GPD1L: variants seen among roughly 807,000 people sequenced by gnomAD.
The protein encoded by GPD1L is glycerol-3-phosphate dehydrogenase 1-like protein.
Under a neutral mutation model 32.9 loss-of-function variants are expected in GPD1L, and 17 were observed. That is an observed-to-expected ratio of 0.52 (90% CI 0.35 to 0.78). The LOEUF (loss-of-function observed/expected upper bound fraction) is 0.78, where lower values mean the gene tolerates loss of function less well. Among genes scored for constraint, GPD1L ranks in the 30% least tolerant of loss-of-function variants. GPD1L has a pLI of 0.01. For missense variants in GPD1L, 361 were observed against 447.8 expected (o/e 0.81, Z 1.75); for synonymous variants, 187 against 165.9 (o/e 1.13, Z -0.98).
chr3:32,133,895 A>G (rs1046848410), intron 2 of GPD1L, among the ~76,000 whole-genome samples: 4 of 152,208 alleles, frequency 2.6e-5, no homozygotes, highest in Admixed American at 6.5e-5. Flanking sequence ...TTTGTTTCCA[A>G]TGGTTTTTAT....
At chr3:32,158,849 A>T in intron 5 of GPD1L, 27 bp from the exon 6 acceptor site, 1 of 1,610,898 alleles carries the variant, frequency 6.2e-7, no homozygotes, top group Non-Finnish European at 8.5e-7. Flanking sequence ...CTGTAACGGC[A>T]TCTGGGCTTT....
intron 5 of GPD1L, among the ~76,000 whole-genome samples, chr3:32,147,514 G>T (rs1700849705): frequency 6.6e-6 from 1 of 152,090 alleles, no homozygotes. Context: ...CCCTCTCTCT[G>T]CCGTGACTTG....
chr3:32,159,465 T>TAAAA, intron 6 of GPD1L, 103 bp from the exon 7 acceptor site: 6 of 606,690 alleles, frequency 9.9e-6, no homozygotes, highest in Middle Eastern at 4.7e-4. Context: ...ACCCATTCTC[T>TAAAA]AAAAAAAAAA....
intron 5 of GPD1L, among the ~76,000 whole-genome samples, chr3:32,147,978 T>C (rs1700857420): frequency 6.6e-6 from 1 of 152,254 alleles, no homozygotes; most frequent in South Asian, 2.1e-4. Flanking sequence ...TAAGCGCCTG[T>C]GTGGGGCATT....
At chr3:32,130,663 G>A (rs1700575416) in intron 2 of GPD1L, among the ~76,000 whole-genome samples, 1 of 152,184 alleles carries the variant, frequency 6.6e-6, no homozygotes, top group East Asian at 1.9e-4. Flanking sequence ...AGATCCGAAT[G>A]AAAAGAATGC....
intron 7 of GPD1L, 63 bp downstream of exon 7, chr3:32,159,737 C>G: frequency 2.0e-6 from 2 of 1,004,732 alleles, no homozygotes; most frequent in Non-Finnish European, 3.2e-6. Context: ...TCAGGACTTC[C>G]AGCCCCACGG....
At chr3:32,126,078 C>G (rs1559572331) in intron 1 of GPD1L, among the ~76,000 whole-genome samples, 2 of 152,050 alleles carry the variant, frequency 1.3e-5, no homozygotes. Context: ...GCCTGTAGTC[C>G]CAGCCACTCA....
At chr3:32,127,117 G>T (rs1053975565) in intron 1 of GPD1L, among the ~76,000 whole-genome samples, 1 of 152,056 alleles carries the variant, frequency 6.6e-6, no homozygotes, top group African/African-American at 2.4e-5. Flanking sequence ...CCACTTGGCC[G>T]CCCCCGCCTT....
chr3:32,159,231 C>T (rs956548788), intron 6 of GPD1L, 122 bp downstream of exon 6: 12 of 758,580 alleles, frequency 1.6e-5, no homozygotes, highest in Non-Finnish European at 2.7e-5. Context: ...GTTCCGTTTG[C>T]CTGGCTGCTT....
intron 1 of GPD1L, among the ~76,000 whole-genome samples, chr3:32,113,503 C>T (rs1307273514): frequency 6.6e-6 from 1 of 152,164 alleles, no homozygotes; most frequent in Non-Finnish European, 1.5e-5. Flanking sequence ...TCTGTGTCAC[C>T]ATTCTCCTTT....
In GPD1L at chr3:32,106,741, C is replaced by A. The variant is rs1299750148; in HGVS notation, c.30C>A (p.Ile10=). MAAAPLKVC[I]VGSGNWGSAV... The stretch of plus-strand genomic sequence containing the variant: ...CAGCGGCGCCCCTGAAAGTGTGCAT[C>A]GTGGGCTCGGGGAACTGGTGAGCGG... The change falls in exon 1 of 8, where the codon ATC becomes ATA. Residue 10 remains isoleucine, a synonymous_variant. Coordinates refer to ENST00000282541, the MANE Select transcript of GPD1L (RefSeq NM_015141.4). The surrounding 1 kb of genome is among the most constrained non-coding windows in gnomAD (Gnocchi z 4.0). 2 of 1,559,428 alleles carry A rather than the reference C, an allele frequency of 1.3e-6. No homozygotes were observed. The highest frequency in any genetic ancestry group is 5.1e-5 in the East Asian group (2 of 38,984).
chr3:32,163,916 A>G (rs1159961680), intron 7 of GPD1L, among the ~76,000 whole-genome samples: 2 of 152,226 alleles, frequency 1.3e-5, no homozygotes, highest in East Asian at 3.8e-4. Flanking sequence ...GCTCTGGATT[A>G]GAATCTCAGT....
At chr3:32,134,274 A>G (rs1368701134) in intron 2 of GPD1L, among the ~76,000 whole-genome samples, 1 of 152,188 alleles carries the variant, frequency 6.6e-6, no homozygotes, top group Non-Finnish European at 1.5e-5. Flanking sequence ...ATGTTCTGTG[A>G]ATGGACCATG....
chr3:32,140,730 A>T (rs929797785), intron 4 of GPD1L, among the ~76,000 whole-genome samples: 13 of 152,166 alleles, frequency 8.5e-5, no homozygotes, highest in African/African-American at 3.1e-4. Context: ...CTTTTCTTAC[A>T]AATGTTAGTA....
intron 5 of GPD1L, among the ~76,000 whole-genome samples, chr3:32,150,245 TA>T (rs1280296747): frequency 6.6e-6 from 1 of 152,228 alleles, no homozygotes; most frequent in Non-Finnish European, 1.5e-5. Flanking sequence ...ATTGGAGGTG[TA>T]TTTTTTGTTT....
intron 1 of GPD1L, among the ~76,000 whole-genome samples, chr3:32,108,425 T>C (rs1405487174): frequency 1.3e-5 from 2 of 152,188 alleles, no homozygotes; most frequent in African/African-American, 4.8e-5. Context: ...CAGAATCGCC[T>C]GAGCCTGGGA....
intron 7 of GPD1L, among the ~76,000 whole-genome samples, chr3:32,161,121 G>GTGTC: frequency 6.6e-6 from 1 of 152,148 alleles, no homozygotes; most frequent in African/African-American, 2.4e-5. Context: ...GTCAGTTTAG[G>GTGTC]TGTCTGCTGG....
At chr3:32,159,480 A>AAT in intron 6 of GPD1L, 88 bp from the exon 7 acceptor site, 1 of 801,752 alleles carries the variant, frequency 1.2e-6, no homozygotes, top group Admixed American at 2.6e-5. Context: ...AAAAAAAAAA[A>AAT]GAAAAAAAAC....
chr3:32,136,423 G>T (rs1700660532), intron 2 of GPD1L, among the ~76,000 whole-genome samples: 2 of 152,130 alleles, frequency 1.3e-5, no homozygotes, highest in Non-Finnish European at 2.9e-5. Context: ...ATGGGGTAGG[G>T]GCCAATTCCA....
Sources: gnomAD v4.1 joint callset for allele counts (sites outside exome capture counted in the v4.1 genomes callset) on GRCh38, gnomAD v4.1.1 for gene constraint, Gnocchi (gnomAD v3.1) non-coding constraint, MANE v1.5 for transcripts, NCBI Gene and HGNC (gene_info 2026-07-23, HGNC 2026-07-21) for gene names.